Variants in FBXL17 observed in about 807,000 individuals in gnomAD.
FBXL17 encodes F-box/LRR-repeat protein 17.
Under a neutral mutation model 66.2 loss-of-function variants are expected in FBXL17, and 22 were observed. The observed-to-expected ratio is 0.33, with a 90% CI of 0.24 to 0.47. FBXL17 has a LOEUF of 0.47. Ranked by LOEUF, FBXL17 falls within the 20% of genes least tolerant of loss-of-function variation. The pLI is 1.00. For synonymous variants in FBXL17, 474 were observed against 400.5 expected, an observed-to-expected ratio of 1.18 and a Z score of -2.19; for missense variants, 878 against 948.2, an observed-to-expected ratio of 0.93 and a Z score of 0.97.
At chr5:108,279,553 GAAA>G (rs74272808) in intron 4 of FBXL17, among the ~76,000 whole-genome samples, 2 of 138,000 alleles carry the variant, frequency 1.4e-5, no homozygotes, top group Admixed American at 7.2e-5. Flanking sequence ...ACATCTTCAG[GAAA>G]AAAAAAAAAA....
chr5:107,999,169 C>T (rs184380708), intron 7 of FBXL17, among the ~76,000 whole-genome samples: 1 of 152,214 alleles, frequency 6.6e-6, no homozygotes, highest in East Asian at 1.9e-4. Context: ...AGGTCTATTG[C>T]ACCCCAGGTT....
chr5:107,891,357 G>C (rs1385462962), intron 7 of FBXL17, among the ~76,000 whole-genome samples: 1 of 152,078 alleles, frequency 6.6e-6, no homozygotes, highest in African/African-American at 2.4e-5. Flanking sequence ...AATGGGAAGC[G>C]ACTGAAATAT....
intron 7 of FBXL17, among the ~76,000 whole-genome samples, chr5:108,017,877 T>G (rs548442609): frequency 1.3e-5 from 2 of 152,272 alleles, no homozygotes; most frequent in African/African-American, 4.8e-5. Flanking sequence ...CATGATCGTT[T>G]TCTTTATGAC....
At chr5:108,347,755 G>A (rs1254073665) in intron 4 of FBXL17, among the ~76,000 whole-genome samples, 3 of 152,034 alleles carry the variant, frequency 2.0e-5, no homozygotes, top group Non-Finnish European at 2.9e-5. Context: ...TTAGACATTG[G>A]TAATGACTGC....
chr5:108,201,159 C>A (rs1214779074), intron 5 of FBXL17, among the ~76,000 whole-genome samples: 1 of 152,122 alleles, frequency 6.6e-6, no homozygotes, highest in Non-Finnish European at 1.5e-5. Flanking sequence ...CATAATTTAT[C>A]TTGCTTTCAA....
intron 6 of FBXL17, among the ~76,000 whole-genome samples, chr5:108,081,747 G>C (rs778873976): frequency 2.6e-5 from 4 of 151,914 alleles, no homozygotes; most frequent in Non-Finnish European, 4.4e-5. Context: ...TAAAAAATAA[G>C]AGCCAGTAAC....
At chr5:108,318,109 TTA>T (rs572198941) in intron 4 of FBXL17, among the ~76,000 whole-genome samples, 11 of 151,576 alleles carry the variant, frequency 7.3e-5, no homozygotes, top group Non-Finnish European at 1.3e-4. Flanking sequence ...GAAATCAACA[TTA>T]TGTTTCCTAA....
chr5:108,058,765 C>T (rs1747811181), intron 6 of FBXL17, among the ~76,000 whole-genome samples: 1 of 152,218 alleles, frequency 6.6e-6, no homozygotes, highest in South Asian at 2.1e-4. Flanking sequence ...TATTCCTACA[C>T]TTCTTCCTAA....
At chr5:108,356,534 T>G (rs894790761) in intron 3 of FBXL17, among the ~76,000 whole-genome samples, 1 of 152,096 alleles carries the variant, frequency 6.6e-6, no homozygotes, top group Non-Finnish European at 1.5e-5. Context: ...TGGAAGAAAC[T>G]TAACTGCATA....
chr5:107,966,498 T>A (rs1302681165), intron 7 of FBXL17, among the ~76,000 whole-genome samples: 1 of 152,104 alleles, frequency 6.6e-6, no homozygotes, highest in East Asian at 1.9e-4. Context: ...AACTTACACA[T>A]ACTTTTCAAG....
At chr5:107,986,512 A>T (rs770562834) in intron 7 of FBXL17, among the ~76,000 whole-genome samples, 1 of 151,756 alleles carries the variant, frequency 6.6e-6, no homozygotes, top group Non-Finnish European at 1.5e-5. Flanking sequence ...CTTACTTTAC[A>T]CTACAGAATT....
intron 7 of FBXL17, among the ~76,000 whole-genome samples, chr5:107,924,694 G>A (rs1021786154): frequency 6.6e-6 from 1 of 152,128 alleles, no homozygotes; most frequent in Non-Finnish European, 1.5e-5. Context: ...CAATTGTGAG[G>A]ATCTGCCCTA....
intron 7 of FBXL17, among the ~76,000 whole-genome samples, chr5:107,972,646 T>C (rs1386749228): frequency 6.6e-6 from 1 of 152,206 alleles, no homozygotes; most frequent in Non-Finnish European, 1.5e-5. Flanking sequence ...CTTATTCTTA[T>C]AAGCATTCTT....
At chr5:108,220,547 G>A (rs907198817) in intron 5 of FBXL17, among the ~76,000 whole-genome samples, 3 of 151,988 alleles carry the variant, frequency 2.0e-5, no homozygotes, top group Admixed American at 1.3e-4. Context: ...CCCCTGTTAC[G>A]CCACCTAAGC....
At chr5:107,922,297 C>G (rs1365624436) in intron 7 of FBXL17, among the ~76,000 whole-genome samples, 1 of 152,114 alleles carries the variant, frequency 6.6e-6, no homozygotes, top group Non-Finnish European at 1.5e-5. Flanking sequence ...GAATACAGAG[C>G]TTTTCAATTA....
chr5:108,332,922 T>C (rs17161246), intron 4 of FBXL17, among the ~76,000 whole-genome samples: 2,180 of 20,924 alleles, frequency 0.1, 57 homozygotes, highest in Middle Eastern at 0.26. Flanking sequence ...ATGTTAACAA[T>C]GAAAAGCAAA....
At chr5:108,152,530 C>T (rs1211742626) in intron 6 of FBXL17, among the ~76,000 whole-genome samples, 1 of 152,136 alleles carries the variant, frequency 6.6e-6, no homozygotes, top group Non-Finnish European at 1.5e-5. Flanking sequence ...TATGATTCAG[C>T]AGGATACTGG....
intron 7 of FBXL17, among the ~76,000 whole-genome samples, chr5:107,886,987 T>C (rs2112510604): frequency 6.7e-6 from 1 of 149,976 alleles, no homozygotes; most frequent in South Asian, 2.1e-4. Context: ...CTAAACACCA[T>C]GTGGGGTCCT....
intron 7 of FBXL17, among the ~76,000 whole-genome samples, chr5:107,984,474 A>G (rs1428141912): frequency 6.6e-6 from 1 of 152,174 alleles, no homozygotes; most frequent in Non-Finnish European, 1.5e-5. Flanking sequence ...GTTCCAGGGT[A>G]TAGCAAGCCA....
Sources: allele counts gnomAD v4.1 joint callset (sites outside exome capture counted in the v4.1 genomes callset), GRCh38; gene constraint gnomAD v4.1.1; transcripts MANE v1.5; gene names NCBI Gene and HGNC (gene_info 2026-07-23, HGNC 2026-07-21).